Variants in TMEM135 observed in about 807,000 individuals in gnomAD.
TMEM135 encodes peroxisomal membrane protein 52.
A neutral mutation model predicts 60.3 loss-of-function variants in TMEM135; 30 were observed. The observed-to-expected ratio is 0.50, with a 90% CI of 0.37 to 0.68. TMEM135 has a LOEUF of 0.68. TMEM135 is among the 30% of genes least tolerant of loss of function. TMEM135 has a pLI of 0.00. For synonymous variants in TMEM135, 190 were observed against 186.7 expected (o/e 1.02, Z -0.14); for missense variants, 468 against 548.8 (o/e 0.85, Z 1.47).
intron 5 of TMEM135, among the ~76,000 whole-genome samples, chr11:87,171,923 G>C (rs1054286097): frequency 3.9e-5 from 6 of 152,120 alleles, no homozygotes; most frequent in African/African-American, 1.4e-4. Context: ...TGCCACAGCT[G>C]ATCTGACAGG....
chr11:87,148,399 G>C (rs1938470591), intron 4 of TMEM135, among the ~76,000 whole-genome samples: 1 of 152,210 alleles, frequency 6.6e-6, no homozygotes, highest in African/African-American at 2.4e-5. Flanking sequence ...CCTTAAAAAT[G>C]TTGGTGGGAA....
At chr11:87,297,949 T>C (rs1396648990) in intron 7 of TMEM135, among the ~76,000 whole-genome samples, 2 of 152,228 alleles carry the variant, frequency 1.3e-5, no homozygotes, top group African/African-American at 4.8e-5. Context: ...AATCTCAAAC[T>C]TATAAAGTTG....
chr11:87,211,320 A>G (rs1429055611), intron 5 of TMEM135, among the ~76,000 whole-genome samples: 3 of 152,200 alleles, frequency 2.0e-5, no homozygotes, highest in Non-Finnish European at 4.4e-5. Context: ...CTTTTTATGC[A>G]TCCTTAGTTC....
intron 1 of TMEM135, among the ~76,000 whole-genome samples, chr11:87,039,529 C>T (rs1949733071): frequency 6.6e-6 from 1 of 152,180 alleles, no homozygotes; most frequent in Non-Finnish European, 1.5e-5. Context: ...TGTTTATCTG[C>T]TTTTCCACAT....
chr11:87,134,786 G>A (rs1231489906), intron 4 of TMEM135, among the ~76,000 whole-genome samples: 1 of 152,160 alleles, frequency 6.6e-6, no homozygotes, highest in African/African-American at 2.4e-5. Context: ...GCACCCAGCT[G>A]TATAGCTTTA....
At chr11:87,273,013 G>T (rs532952325) in intron 6 of TMEM135, among the ~76,000 whole-genome samples, 111 of 152,124 alleles carry the variant, frequency 7.3e-4, no homozygotes, top group Non-Finnish European at 1.2e-3. Context: ...ATTCTGCCTC[G>T]TTATAGCAAT....
chr11:87,111,665 A>AG (rs776258086), intron 4 of TMEM135, among the ~76,000 whole-genome samples: 11,197 of 128,932 alleles, frequency 0.087, 406 homozygotes, highest in African/African-American at 0.1. Flanking sequence ...AAAAAAAAAA[A>AG]AAAAAAGAAA....
intron 6 of TMEM135, 90 bp from the exon 7 acceptor site, chr11:87,295,692 C>G: frequency 8.7e-7 from 1 of 1,155,798 alleles, no homozygotes; most frequent in Non-Finnish European, 1.3e-6. Context: ...AGAGTTTCAT[C>G]TTTTAAAACA....
chr11:87,236,044 C>G (rs1171723804), intron 5 of TMEM135, among the ~76,000 whole-genome samples: 1 of 151,846 alleles, frequency 6.6e-6, no homozygotes. Flanking sequence ...CTGATTTATT[C>G]ACTGAACTGA....
intron 9 of TMEM135, among the ~76,000 whole-genome samples, chr11:87,307,754 C>G (rs1942577080): frequency 6.6e-6 from 1 of 152,138 alleles, no homozygotes; most frequent in South Asian, 2.1e-4. Context: ...AATTTTTTGA[C>G]AATGGACCTC....
At chr11:87,193,014 C>A (rs985084044) in intron 5 of TMEM135, among the ~76,000 whole-genome samples, 8 of 152,068 alleles carry the variant, frequency 5.3e-5, no homozygotes, top group Non-Finnish European at 8.8e-5. Flanking sequence ...ACTTGGGAGG[C>A]TGAGGCAGGA....
chr11:87,049,271 C>A (rs1351158814), intron 1 of TMEM135, among the ~76,000 whole-genome samples: 14 of 15,212 alleles, frequency 9.2e-4, no homozygotes, highest in Non-Finnish European at 1.0e-3. Flanking sequence ...TGAGCAAAAT[C>A]ACCAGCTAAC....
chr11:87,069,181 G>A (rs1856726081), intron 2 of TMEM135, among the ~76,000 whole-genome samples: 1 of 151,216 alleles, frequency 6.6e-6, no homozygotes, highest in Non-Finnish European at 1.5e-5. Context: ...ATCTACTTGG[G>A]AGGCTGAGGC....
chr11:87,286,492 C>A (rs1247196153), intron 6 of TMEM135, among the ~76,000 whole-genome samples: 1 of 152,248 alleles, frequency 6.6e-6, no homozygotes, highest in Non-Finnish European at 1.5e-5. Flanking sequence ...ACGGGCGGAG[C>A]TGCCTGCCAG....
At position 87,252,798 on chromosome 11, in the gene TMEM135, ATGTG is replaced by A. The variant is rs558272693; in HGVS notation, c.509+16144_509+16147del. On this transcript the variant is annotated intron_variant, in intron 6 of 14. Transcript: ENST00000305494. The stretch of plus-strand genomic sequence containing the variant: ...AAAAAAAAAAAAAATTAAAATATAT[ATGTG>A]TGTGTGTGTGTGTGTGTGTGTGTGT... Among the ~76,000 whole-genome samples the A allele has an allele frequency of 6.3e-3, 846 of 134,222 alleles. 3 individuals are homozygous for A. Among genetic ancestry groups the A allele is most frequent in the Admixed American group, 0.011 (148 of 12,962 alleles). 88.1% of individuals were successfully genotyped at this position (134,222 alleles called of 152,430 possible). A position where few individuals can be genotyped will look rare whatever the true frequency, so the allele number is the denominator to read the frequency against.
At chr11:87,094,915 A>G (rs1857289580) in intron 4 of TMEM135, 1 of 154,606 alleles carries the variant, frequency 6.5e-6, no homozygotes, top group Non-Finnish European at 1.4e-5. Flanking sequence ...ACTTCTCACC[A>G]GTGACTCCTC....
At chr11:87,178,302 G>A (rs1939429272) in intron 5 of TMEM135, among the ~76,000 whole-genome samples, 1 of 152,166 alleles carries the variant, frequency 6.6e-6, no homozygotes, top group South Asian at 2.1e-4. Flanking sequence ...TTGAAGCCCT[G>A]TGCCAGGAAC....
chr11:87,179,149 T>G (rs1396914855), intron 5 of TMEM135, among the ~76,000 whole-genome samples: 1 of 152,072 alleles, frequency 6.6e-6, no homozygotes, highest in East Asian at 1.9e-4. Context: ...TTCATAGTGC[T>G]TATTGGGCAT....
intron 6 of TMEM135, among the ~76,000 whole-genome samples, chr11:87,252,878 A>G (rs991948590): frequency 6.6e-6 from 1 of 151,816 alleles, no homozygotes; most frequent in Non-Finnish European, 1.5e-5. Flanking sequence ...TCCTCAGAAG[A>G]TATATACAGA....
Sources: allele counts gnomAD v4.1 joint callset (sites outside exome capture counted in the v4.1 genomes callset), GRCh38; gene constraint gnomAD v4.1.1; transcripts MANE v1.5; gene names NCBI Gene and HGNC (gene_info 2026-07-23, HGNC 2026-07-21).